The following GRID2 variants were observed in gnomAD, a reference collection of about 807,000 sequenced individuals.
The protein encoded by GRID2 is glutamate ionotropic receptor delta type subunit 2, also known as glutamate receptor ionotropic, delta-2.
A neutral mutation model predicts 114.8 loss-of-function variants in GRID2; 33 were observed. The ratio of observed to expected loss-of-function variants is 0.29; its 90% CI spans 0.22 to 0.38. GRID2 has a LOEUF of 0.38. Ranked by LOEUF, GRID2 falls within the 10% of genes least tolerant of loss-of-function variation. The pLI is 1.00. For synonymous variants in GRID2, 505 were observed against 449.9 expected (o/e 1.12, Z -1.55); for missense variants, 1,184 against 1,257.7 (o/e 0.94, Z 0.89).
chr4:92,511,392 C>T (rs184701376), intron 1 of GRID2, among the ~76,000 whole-genome samples: 7 of 151,854 alleles, frequency 4.6e-5, no homozygotes, highest in East Asian at 1.9e-4. Flanking sequence ...CCAGGTCCAC[C>T]GCCAACACTG....
chr4:93,541,338 C>G (rs1465679259), intron 13 of GRID2, among the ~76,000 whole-genome samples: 1 of 152,090 alleles, frequency 6.6e-6, no homozygotes, highest in Non-Finnish European at 1.5e-5. Flanking sequence ...GCAAAACACC[C>G]TACAAGACAG....
intron 14 of GRID2, among the ~76,000 whole-genome samples, chr4:93,727,074 G>A (rs1160042611): frequency 1.3e-5 from 2 of 152,148 alleles, no homozygotes; most frequent in Admixed American, 1.3e-4. Context: ...AGTTTTCAAA[G>A]GTAACGCTTC....
At chr4:93,212,851 C>T (rs968788625) in intron 5 of GRID2, among the ~76,000 whole-genome samples, 1 of 151,808 alleles carries the variant, frequency 6.6e-6, no homozygotes, top group African/African-American at 2.4e-5. Flanking sequence ...TGGCTCACTG[C>T]AACCTCTTCC....
intron 8 of GRID2, chr4:93,282,411 T>C (rs1752741722): frequency 6.7e-6 from 3 of 445,026 alleles, no homozygotes; most frequent in Non-Finnish European, 1.3e-5. Context: ...TCAAGGAGTC[T>C]GCATCTGGTG....
At chr4:92,498,868 G>C (rs1723527206) in intron 1 of GRID2, among the ~76,000 whole-genome samples, 1 of 149,944 alleles carries the variant, frequency 6.7e-6, no homozygotes, top group South Asian at 2.1e-4. Context: ...ATGAATCATG[G>C]AAATTTGAAT....
In GRID2 at chr4:93,164,770, G is replaced by T. The variant is rs373153848; in HGVS notation, c.736-42634G>T. ...GAAAAACACTTAGGGAGGAAAGAAT[G>T]TGAGTGATTTTTGTTTTCATGCCAG... is the stretch of plus-strand genomic sequence containing the variant. On this transcript the variant is annotated intron_variant, in intron 4 of 15. Transcript: ENST00000282020. 24 of 419,670 alleles carry T rather than the reference G, an allele frequency of 5.7e-5. 1 individual carries two copies. The highest frequency in any genetic ancestry group is 3.8e-4 in the African/African-American group (19 of 49,542). 26.0% of individuals were successfully genotyped at this position (419,670 alleles called of 1,614,324 possible).
chr4:92,337,596 G>A (rs900636954), intron 1 of GRID2, among the ~76,000 whole-genome samples: 1 of 152,156 alleles, frequency 6.6e-6, no homozygotes, highest in Non-Finnish European at 1.5e-5. Context: ...AAGGCTGCTG[G>A]AGAGAGAAGT....
At chr4:93,699,129 A>G (rs559430834) in intron 14 of GRID2, among the ~76,000 whole-genome samples, 11 of 152,218 alleles carry the variant, frequency 7.2e-5, no homozygotes, top group African/African-American at 1.7e-4. Flanking sequence ...TGTAACACCA[A>G]TGAAGAAATA....
intron 2 of GRID2, among the ~76,000 whole-genome samples, chr4:92,921,075 T>A (rs1458207270): frequency 6.6e-6 from 1 of 152,126 alleles, no homozygotes; most frequent in African/African-American, 2.4e-5. Flanking sequence ...TCTAAACTTC[T>A]CTTTTAGCTT....
intron 14 of GRID2, among the ~76,000 whole-genome samples, chr4:93,676,380 T>C (rs1724857157): frequency 6.6e-6 from 1 of 152,208 alleles, no homozygotes; most frequent in Non-Finnish European, 1.5e-5. Context: ...TAGATCATCC[T>C]GCATAAGAAG....
intron 1 of GRID2, among the ~76,000 whole-genome samples, chr4:92,423,169 T>C (rs1579334197): frequency 6.6e-6 from 1 of 152,254 alleles, no homozygotes; most frequent in East Asian, 1.9e-4. Flanking sequence ...CTAGCTGATG[T>C]GGTAGAAAGA....
At chr4:93,515,469 T>A in intron 13 of GRID2, 58 bp downstream of exon 13, 2 of 1,151,984 alleles carry the variant, frequency 1.7e-6, no homozygotes, top group South Asian at 2.8e-5. Flanking sequence ...ATGCTGGAAT[T>A]GCGCAGTTGA....
intron 2 of GRID2, among the ~76,000 whole-genome samples, chr4:92,719,737 TA>T (rs984530100): frequency 2.0e-5 from 3 of 151,498 alleles, no homozygotes; most frequent in African/African-American, 4.9e-5. Context: ...GGGGGGAGAA[TA>T]GGGGGAAGAA....
intron 8 of GRID2, among the ~76,000 whole-genome samples, chr4:93,313,124 T>C (rs899336777): frequency 6.6e-6 from 1 of 152,194 alleles, no homozygotes; most frequent in Non-Finnish European, 1.5e-5. Flanking sequence ...CACTTTTTTT[T>C]TTCACATAAG....
Position 93,780,386 on chromosome 4 carries a change from T to C in GRID2, c.221+10936T>C, listed in dbSNP as rs1425914098. ...AGCGAGACGATCAATTCAGCTGGAT[T>C]GGAATGAGTGATAGGAGAAGGGCGC... On this transcript the variant is annotated intron_variant, in intron 1 of 1. Coordinates refer to the GRID2 transcript ENST00000637838. 5.3e-5 allele frequency among the ~76,000 whole-genome samples: 8 copies of C among 152,116 alleles called. 1 individual carries two copies. The highest frequency in any genetic ancestry group is 5.2e-4 in the Admixed American group (8 of 15,280).
chr4:93,022,847 G>T (rs1161390736), intron 2 of GRID2, among the ~76,000 whole-genome samples: 4 of 151,754 alleles, frequency 2.6e-5, no homozygotes, highest in African/African-American at 4.8e-5. Context: ...TTTGCCTGCT[G>T]CATGTTTTGT....
intron 2 of GRID2, among the ~76,000 whole-genome samples, chr4:92,623,771 C>A (rs1463620163): frequency 6.6e-6 from 1 of 151,764 alleles, no homozygotes; most frequent in Admixed American, 6.6e-5. Flanking sequence ...AAGGCAGAAC[C>A]ATTGAGTTGG....
intron 2 of GRID2, among the ~76,000 whole-genome samples, chr4:92,944,159 G>A (rs965598278): frequency 1.3e-5 from 2 of 152,176 alleles, no homozygotes; most frequent in African/African-American, 4.8e-5. Context: ...CCTTTTGTAT[G>A]GCTATGCCCT....
intron 2 of GRID2, among the ~76,000 whole-genome samples, chr4:93,041,433 G>C (rs979077167): frequency 5.9e-5 from 9 of 152,122 alleles, no homozygotes; most frequent in African/African-American, 2.2e-4. Context: ...AGTGTCAACT[G>C]TCACTGGTTT....
Sources: gnomAD v4.1 joint callset for allele counts (sites outside exome capture counted in the v4.1 genomes callset) on GRCh38, gnomAD v4.1.1 for gene constraint, MANE v1.5 for transcripts, NCBI Gene and HGNC (gene_info 2026-07-23, HGNC 2026-07-21) for gene names.